The following RBFOX1 variants were observed in gnomAD, a reference collection of about 807,000 sequenced individuals.
RBFOX1 encodes the protein RNA binding fox-1 homolog 1, also known as RNA binding protein fox-1 homolog 1.
RBFOX1 carries 8 observed loss-of-function variants against 57.7 expected under a neutral mutation model. The ratio of observed to expected loss-of-function variants is 0.14; its 90% CI spans 0.08 to 0.25. The LOEUF (loss-of-function observed/expected upper bound fraction) is 0.25, where lower values mean the gene tolerates loss of function less well. RBFOX1 is among the 10% of genes least tolerant of loss of function. The probability of loss-of-function intolerance (pLI) is 1.00; values close to 1 mark genes in which losing one functional copy is unlikely to be tolerated. For missense variants in RBFOX1, 611 were observed against 548.5 expected, an observed-to-expected ratio of 1.11 and a Z score of -1.14; for synonymous variants, 326 against 222.4, an observed-to-expected ratio of 1.47 and a Z score of -4.15.
chr16:6,761,518 T>C (rs1603615880), intron 3 of RBFOX1, among the ~76,000 whole-genome samples: 1 of 127,874 alleles, frequency 7.8e-6, no homozygotes, highest in Non-Finnish European at 1.7e-5. Context: ...TTTTTTTTTT[T>C]TTTTTTTGAG....
At chr16:5,519,368 T>C (rs1226909081) in intron 2 of RBFOX1, among the ~76,000 whole-genome samples, 1 of 152,218 alleles carries the variant, frequency 6.6e-6, no homozygotes. Context: ...GTAAGTGCTC[T>C]CTTTTATCAT....
At chr16:6,671,780 T>C (rs2098766720) in intron 3 of RBFOX1, among the ~76,000 whole-genome samples, 1 of 152,250 alleles carries the variant, frequency 6.6e-6, no homozygotes, top group Non-Finnish European at 1.5e-5. Flanking sequence ...CAGGTTGCTG[T>C]GAATGCCATT....
chr16:7,610,071 C>T (rs957368309), intron 10 of RBFOX1, among the ~76,000 whole-genome samples: 1 of 146,284 alleles, frequency 6.8e-6, no homozygotes, highest in Admixed American at 7.0e-5. Context: ...CCTCCTCGGC[C>T]TCCTGAAGTG....
intron 1 of RBFOX1, among the ~76,000 whole-genome samples, chr16:6,167,174 TG>T (rs2096924290): frequency 6.6e-6 from 1 of 152,246 alleles, no homozygotes; most frequent in African/African-American, 2.4e-5. Context: ...GGGTGTTGGA[TG>T]GGAAGAGCCG....
At chr16:5,612,212 C>CTCCT (rs1555482261) in intron 3 of RBFOX1, among the ~76,000 whole-genome samples, 1 of 143,922 alleles carries the variant, frequency 6.9e-6, no homozygotes, top group Admixed American at 6.9e-5. Flanking sequence ...CCCCTCCACT[C>CTCCT]TCATTCATTC....
intron 2 of RBFOX1, among the ~76,000 whole-genome samples, chr16:6,605,854 C>T (rs1415923615): frequency 6.6e-6 from 1 of 152,176 alleles, no homozygotes; most frequent in Non-Finnish European, 1.5e-5. Context: ...AATCCCAGCA[C>T]TCTAGGAGTC....
intron 3 of RBFOX1, among the ~76,000 whole-genome samples, chr16:5,797,351 C>T (rs776976976): frequency 1.2e-4 from 18 of 152,204 alleles, no homozygotes; most frequent in Non-Finnish European, 2.9e-5. Flanking sequence ...TCTTGGGACC[C>T]TCCACTTCAA....
intron 3 of RBFOX1, among the ~76,000 whole-genome samples, chr16:6,922,299 GCA>G (rs1246580640): frequency 6.6e-6 from 1 of 152,138 alleles, no homozygotes; most frequent in Non-Finnish European, 1.5e-5. Flanking sequence ...ATATTGGAAA[GCA>G]CTGGTTTTCA....
chr16:6,384,556 A>T (rs1425315574), intron 2 of RBFOX1, among the ~76,000 whole-genome samples: 2 of 152,156 alleles, frequency 1.3e-5, no homozygotes, highest in Non-Finnish European at 2.9e-5. Context: ...TTACACAATT[A>T]CTTCTATACC....
chr16:6,930,846 G>T (rs2076385929), intron 3 of RBFOX1, among the ~76,000 whole-genome samples: 1 of 151,958 alleles, frequency 6.6e-6, no homozygotes, highest in Admixed American at 6.6e-5. Flanking sequence ...GAATGTTCTG[G>T]ATCAATCTTA....
Position 6,779,999 on chromosome 16 carries a change from ATATATATT to A in RBFOX1, c.-16+125357_-16+125364del, listed in dbSNP as rs1567211212. 1.3e-3 allele frequency among the ~76,000 whole-genome samples: 25 copies of A among 18,610 alleles called. 1 individual carries two copies. The highest frequency in any genetic ancestry group is 6.6e-3 in the African/African-American group (25 of 3,794). 12.2% of individuals were successfully genotyped at this position (18,610 alleles called of 152,430 possible). Reference sequence around the variant, plus strand: ...TATATATTTATATATTTATATATTTATATATATTTATATATATTTATATATTTATATAT... The same window carrying A: ...TATATATTTATATATTTATATATTTATATATATATTTATATATTTATATAT... On this transcript the variant is annotated intron_variant, in intron 3 of 15. Transcript: ENST00000550418.
chr16:5,264,652 C>G (rs868240580), intron 1 of RBFOX1, among the ~76,000 whole-genome samples: 4 of 152,118 alleles, frequency 2.6e-5, no homozygotes, highest in Non-Finnish European at 5.9e-5. Flanking sequence ...ATCCAATTCT[C>G]CTGTCTTCAT....
At chr16:5,821,963 A>G (rs1301851056) in intron 3 of RBFOX1, among the ~76,000 whole-genome samples, 1 of 152,222 alleles carries the variant, frequency 6.6e-6, no homozygotes, top group Non-Finnish European at 1.5e-5. Context: ...TTAAGTTCCA[A>G]CATAATTTTT....
chr16:7,327,205 A>C (rs2096622781), intron 4 of RBFOX1, among the ~76,000 whole-genome samples: 1 of 152,228 alleles, frequency 6.6e-6, no homozygotes, highest in Non-Finnish European at 1.5e-5. Context: ...AAAGGAAGAA[A>C]GGAAGAGAGG....
intron 4 of RBFOX1, among the ~76,000 whole-genome samples, chr16:7,073,992 A>G (rs925349246): frequency 1.3e-5 from 2 of 152,224 alleles, no homozygotes; most frequent in African/African-American, 4.8e-5. Context: ...TTTCATTGGA[A>G]TATAGTCATT....
chr16:6,762,128 C>T (rs2076695881), intron 3 of RBFOX1, among the ~76,000 whole-genome samples: 1 of 152,114 alleles, frequency 6.6e-6, no homozygotes, highest in African/African-American at 2.4e-5. Context: ...GCTTAGTTTT[C>T]TGCTACCTCT....
chr16:6,494,739 C>T (rs2095717844), intron 2 of RBFOX1, among the ~76,000 whole-genome samples: 1 of 152,180 alleles, frequency 6.6e-6, no homozygotes, highest in African/African-American at 2.4e-5. Context: ...TTATGGAACA[C>T]ATCAATATGT....
intron 3 of RBFOX1, among the ~76,000 whole-genome samples, chr16:6,863,297 T>A (rs555522716): frequency 3.5e-4 from 53 of 152,014 alleles, no homozygotes; most frequent in Non-Finnish European, 6.6e-4. Flanking sequence ...GAAAAGTGAT[T>A]AGCAGCAAAT....
At chr16:6,824,264 A>G (rs375920663) in intron 3 of RBFOX1, among the ~76,000 whole-genome samples, 1 of 152,120 alleles carries the variant, frequency 6.6e-6, no homozygotes, top group African/African-American at 2.4e-5. Flanking sequence ...AATTAGCCAG[A>G]TGTGGTGGTT....
Sources: allele counts gnomAD v4.1 joint callset (sites outside exome capture counted in the v4.1 genomes callset), GRCh38; gene constraint gnomAD v4.1.1; transcripts MANE v1.5; gene names NCBI Gene and HGNC (gene_info 2026-07-23, HGNC 2026-07-21).